Variants in DMD observed in about 807,000 individuals in gnomAD.
DMD encodes dystrophin.
DMD carries 63 observed loss-of-function variants against 330.1 expected under a neutral mutation model. The observed-to-expected ratio is 0.19, with a 90% CI of 0.16 to 0.24. DMD has a LOEUF of 0.24. Among genes scored for constraint, DMD ranks in the 10% least tolerant of loss-of-function variants. The pLI, the probability that DMD is intolerant of heterozygous loss-of-function variation, is 1.00. For missense variants in DMD, 3,344 were observed against 2,684.1 expected, an observed-to-expected ratio of 1.25 and a Z score of -5.43; for synonymous variants, 1,223 against 959.8, an observed-to-expected ratio of 1.27 and a Z score of -5.07.
intron 63 of DMD, among the ~76,000 whole-genome samples, chrX:31,234,549 T>G (rs763815194): frequency 8.9e-6 from 1 of 112,438 alleles, no homozygotes; most frequent in South Asian, 3.7e-4. Context: ...AAATCATCAG[T>G]TGACGCTTAC....
intron 12 of DMD, among the ~76,000 whole-genome samples, chrX:32,598,223 T>C (rs2055790651): frequency 8.9e-6 from 1 of 112,427 alleles, no homozygotes; most frequent in Non-Finnish European, 1.9e-5. Flanking sequence ...TATGCATCTA[T>C]TTTGTGTGTG....
chrX:33,265,184 T>A (rs1223325331), intron 1 of DMD, among the ~76,000 whole-genome samples: 1 of 110,217 alleles, frequency 9.1e-6, no homozygotes, highest in Admixed American at 9.7e-5. Context: ...ACTGTAGACT[T>A]GGCAAGTCTA....
chrX:31,696,166 C>T (rs1294167544), intron 52 of DMD, among the ~76,000 whole-genome samples: 1 of 111,739 alleles, frequency 8.9e-6, no homozygotes, highest in Non-Finnish European at 1.9e-5. Flanking sequence ...AAACCATGTA[C>T]TAGACTGTTG....
intron 51 of DMD, among the ~76,000 whole-genome samples, chrX:31,744,538 C>T (rs1253565044): frequency 2.7e-5 from 3 of 112,217 alleles, no homozygotes; most frequent in Non-Finnish European, 3.8e-5. Flanking sequence ...ATTTTGGAAT[C>T]CTTCGAACTT....
At chrX:31,828,928 C>A (rs1331627666) in intron 49 of DMD, among the ~76,000 whole-genome samples, 1 of 111,677 alleles carries the variant, frequency 9.0e-6, no homozygotes. Flanking sequence ...AAAAAGAAAG[C>A]AGCAGCACAA....
At chrX:33,234,977 C>G (rs1168325481) in intron 1 of DMD, among the ~76,000 whole-genome samples, 1 of 111,870 alleles carries the variant, frequency 8.9e-6, no homozygotes, top group African/African-American at 3.3e-5. Flanking sequence ...GCATGGGCTT[C>G]AGCCCCACAC....
At chrX:32,735,745 C>A (rs1354145377) in intron 7 of DMD, among the ~76,000 whole-genome samples, 5 of 112,033 alleles carry the variant, frequency 4.5e-5, no homozygotes, top group Non-Finnish European at 9.4e-5. Context: ...CCCTTCCTCA[C>A]ACCTTATACA....
intron 44 of DMD, among the ~76,000 whole-genome samples, chrX:32,154,905 G>T (rs776168856): frequency 2.7e-5 from 3 of 110,253 alleles, no homozygotes; most frequent in Non-Finnish European, 5.7e-5. Flanking sequence ...GTTCCCTGAT[G>T]GAGTATAGAA....
chrX:32,558,259 C>T (rs1385652923), intron 16 of DMD, among the ~76,000 whole-genome samples: 1 of 111,592 alleles, frequency 9.0e-6, no homozygotes, highest in Non-Finnish European at 1.9e-5. Context: ...GAATTAACTG[C>T]ACCTGCAAAA....
At position 31,203,964 on chromosome X, in the gene DMD, T is replaced by C. The variant is rs12690372; in HGVS notation, c.9804A>G (p.Gln3268=). 124 of 1,204,139 alleles carry C rather than the reference T, an allele frequency of 1.0e-4. No homozygotes were observed. In the East Asian group the frequency reaches 2.2e-3, roughly 21 times the overall value. The change falls in exon 67 of 79, where the codon CAA becomes CAG. Residue 3268 remains glutamine, a synonymous_variant. Coordinates refer to ENST00000357033, the MANE Select transcript of DMD (RefSeq NM_004006.3). ...ACCTAGAAGGTGAATAACTTACAAA[T>C]TGGAAGCAGCTCCGGACACTTGGCT... ...NIEPSVRSCF[Q]FANNKPEIEA...
chrX:32,371,198 G>C, intron 34 of DMD, among the ~76,000 whole-genome samples: 1 of 111,735 alleles, frequency 8.9e-6, no homozygotes, highest in Non-Finnish European at 1.9e-5. Flanking sequence ...TGTTCTTCCT[G>C]AGGTTAAATA....
intron 12 of DMD, among the ~76,000 whole-genome samples, chrX:32,610,695 A>G (rs754632800): frequency 7.2e-5 from 8 of 111,417 alleles, no homozygotes; most frequent in African/African-American, 2.3e-4. Flanking sequence ...ATCATCTTTA[A>G]GAAAAAATGG....
intron 34 of DMD, among the ~76,000 whole-genome samples, chrX:32,376,113 C>A (rs1173851536): frequency 9.0e-6 from 1 of 110,605 alleles, no homozygotes; most frequent in Non-Finnish European, 1.9e-5. Context: ...AACTCCAACT[C>A]TACCGAAAAC....
At chrX:33,331,478 G>A (rs2054176059) in intron 1 of DMD, among the ~76,000 whole-genome samples, 1 of 111,661 alleles carries the variant, frequency 9.0e-6, no homozygotes, top group South Asian at 3.7e-4. Flanking sequence ...AGACTATGAT[G>A]GTCCTTATCA....
chrX:31,325,536 C>A (rs1421083005), intron 61 of DMD, among the ~76,000 whole-genome samples: 1 of 108,887 alleles, frequency 9.2e-6, no homozygotes, highest in Non-Finnish European at 1.9e-5. Flanking sequence ...ATCACTTGAA[C>A]CCAGGAGGCA....
At chrX:33,182,954 T>A (rs2050070589) in intron 1 of DMD, among the ~76,000 whole-genome samples, 1 of 111,418 alleles carries the variant, frequency 9.0e-6, no homozygotes, top group African/African-American at 3.3e-5. Flanking sequence ...TAAGAATGAG[T>A]TTTTCTGCAA....
At position 31,932,212 on chromosome X, in the gene DMD, C is replaced by T. The variant is rs1189398660; in HGVS notation, c.6630G>A (p.Lys2210=). Residue 2210 remains lysine (K), a synonymous_variant, in exon 46 of 79, where the codon AAG becomes AAA. Transcript: ENST00000357033. ...SDRKKRLEEQ[K]NILSEFQRDL... ...CTCTTTGAAATTCTGACAAGATATT[C>T]TTTTGTTCTTCTAGCCTGGAGAAAG... 1 of 1,182,569 alleles carries T rather than the reference C, an allele frequency of 8.5e-7. No individual in the cohort carries two copies. The highest frequency in any genetic ancestry group is 2.2e-5 in the Admixed American group (1 of 45,608).
intron 26 of DMD, among the ~76,000 whole-genome samples, chrX:32,449,585 T>G (rs2098321203): frequency 9.9e-6 from 1 of 100,505 alleles, no homozygotes; most frequent in Non-Finnish European, 2.1e-5. Context: ...CCTACAATGT[T>G]TTTTTTTTTT....
intron 7 of DMD, among the ~76,000 whole-genome samples, chrX:32,779,394 C>A (rs1381147244): frequency 9.1e-6 from 1 of 110,349 alleles, no homozygotes; most frequent in Admixed American, 9.8e-5. Flanking sequence ...AGTCTTTTGT[C>A]GCACATTCCC....
Sources: allele counts gnomAD v4.1 joint callset (sites outside exome capture counted in the v4.1 genomes callset), GRCh38; gene constraint gnomAD v4.1.1; transcripts MANE v1.5; gene names NCBI Gene and HGNC (gene_info 2026-07-23, HGNC 2026-07-21).